CREB5: variants seen among roughly 807,000 people sequenced by gnomAD.
The protein encoded by CREB5 is cAMP responsive element binding protein 5.
In CREB5, 19 loss-of-function variants were observed where a neutral mutation model predicts 57.1. The observed-to-expected ratio is 0.33, with a 90% CI of 0.23 to 0.49. The LOEUF is 0.49. Among genes scored for constraint, CREB5 ranks in the 20% least tolerant of loss-of-function variants. The pLI, the probability that CREB5 is intolerant of heterozygous loss-of-function variation, is 0.99. For missense variants in CREB5, 579 were observed against 671.6 expected, an observed-to-expected ratio of 0.86 and a Z score of 1.52; for synonymous variants, 238 against 238.3, an observed-to-expected ratio of 1.00 and a Z score of 0.01.
intron 5 of CREB5, among the ~76,000 whole-genome samples, chr7:28,627,076 C>T (rs1255637246): frequency 6.6e-6 from 1 of 152,242 alleles, no homozygotes; most frequent in East Asian, 1.9e-4. Flanking sequence ...CCACCCCATC[C>T]ATTCTGCTAC....
intron 5 of CREB5, among the ~76,000 whole-genome samples, chr7:28,715,753 A>G (rs1460008045): frequency 1.3e-5 from 2 of 152,192 alleles, no homozygotes; most frequent in Non-Finnish European, 2.9e-5. Flanking sequence ...GATTTATAGA[A>G]TCTGTGTAGA....
intron 5 of CREB5, among the ~76,000 whole-genome samples, chr7:28,698,991 C>T (rs914303869): frequency 6.6e-6 from 1 of 152,078 alleles, no homozygotes; most frequent in African/African-American, 2.4e-5. Context: ...TGCAAAAGCA[C>T]AGAAGTGGGT....
chr7:28,697,496 A>G (rs1801637422), intron 5 of CREB5, among the ~76,000 whole-genome samples: 1 of 152,100 alleles, frequency 6.6e-6, no homozygotes, highest in Non-Finnish European at 1.5e-5. Context: ...CTCCTCCCGT[A>G]AGTCACCCCC....
At chr7:28,679,374 C>T (rs1021728568) in intron 5 of CREB5, among the ~76,000 whole-genome samples, 1 of 152,036 alleles carries the variant, frequency 6.6e-6, no homozygotes, top group Non-Finnish European at 1.5e-5. Context: ...ATGGGGAGAC[C>T]CACCAGGGCA....
At chr7:28,506,672 G>C (rs537177712) in intron 3 of CREB5, among the ~76,000 whole-genome samples, 1 of 152,222 alleles carries the variant, frequency 6.6e-6, no homozygotes, top group African/African-American at 2.4e-5. Flanking sequence ...CTGTTTCTGA[G>C]AAAAGACCAT....
chr7:28,376,294 C>T (rs1405625348), intron 1 of CREB5, among the ~76,000 whole-genome samples: 3 of 127,966 alleles, frequency 2.3e-5, no homozygotes, highest in Non-Finnish European at 4.9e-5. Context: ...TTTTTTGAGA[C>T]GGAGTCTTGC....
intron 4 of CREB5, among the ~76,000 whole-genome samples, chr7:28,537,658 C>A (rs1403071236): frequency 1.3e-5 from 2 of 152,062 alleles, no homozygotes; most frequent in Non-Finnish European, 2.9e-5. Context: ...TGTGAATTTC[C>A]AACAGGGTAT....
At chr7:28,793,049 G>T (rs1303575405) in intron 7 of CREB5, among the ~76,000 whole-genome samples, 1 of 152,140 alleles carries the variant, frequency 6.6e-6, no homozygotes, top group African/African-American at 2.4e-5. Flanking sequence ...AGTAAGGCAG[G>T]TGCTTAAGAA....
At chr7:28,414,490 G>A (rs981760387) in intron 1 of CREB5, among the ~76,000 whole-genome samples, 2 of 152,000 alleles carry the variant, frequency 1.3e-5, no homozygotes, top group African/African-American at 2.4e-5. Context: ...TAAACTGGGG[G>A]GCAATTGCCT....
intron 7 of CREB5, among the ~76,000 whole-genome samples, chr7:28,766,200 C>T (rs1032378027): frequency 6.6e-6 from 1 of 152,024 alleles, no homozygotes; most frequent in Non-Finnish European, 1.5e-5. Flanking sequence ...CTTTGTTATG[C>T]ACCATCTCTT....
Position 28,678,901 on chromosome 7 carries a change from A to C in CREB5, c.465-39852A>C, listed in dbSNP as rs529774125. 6.6e-5 allele frequency among the ~76,000 whole-genome samples: 10 copies of C among 152,342 alleles called. No homozygotes were observed. The East Asian group carries it at 1.9e-3, about 29-fold the overall frequency. On this transcript the variant is annotated intron_variant, in intron 5 of 10. Coordinates refer to ENST00000357727, the MANE Select transcript of CREB5 (RefSeq NM_182898.4). ...GGTGAACTTCTCTGCTCAGTGTAAGAGAAGGTCAGTTATTAGATAGACACA... is the reference window on the plus strand; with the variant it reads ...GGTGAACTTCTCTGCTCAGTGTAAGCGAAGGTCAGTTATTAGATAGACACA...
At chr7:28,814,182 T>C (rs1809288107) in intron 9 of CREB5, among the ~76,000 whole-genome samples, 1 of 152,238 alleles carries the variant, frequency 6.6e-6, no homozygotes, top group Non-Finnish European at 1.5e-5. Context: ...GTGATTCCAC[T>C]TACGTTCCCT....
At chr7:28,594,380 C>T (rs1358755301) in intron 5 of CREB5, among the ~76,000 whole-genome samples, 2 of 152,098 alleles carry the variant, frequency 1.3e-5, no homozygotes, top group East Asian at 1.9e-4. Flanking sequence ...ATCTAGTTAC[C>T]GCCCTCCACA....
chr7:28,385,314 G>A (rs935655485), intron 1 of CREB5, among the ~76,000 whole-genome samples: 2 of 150,944 alleles, frequency 1.3e-5, no homozygotes, highest in Non-Finnish European at 3.0e-5. Context: ...AGTTAACCAA[G>A]TATCTACACA....
intron 1 of CREB5, among the ~76,000 whole-genome samples, chr7:28,433,543 C>T (rs1035666053): frequency 1.3e-5 from 2 of 152,068 alleles, no homozygotes; most frequent in African/African-American, 4.8e-5. Context: ...GTCTATGTTG[C>T]TCAGTCTAGA....
chr7:28,447,092 C>G (rs1789519243), intron 1 of CREB5, among the ~76,000 whole-genome samples: 2 of 152,164 alleles, frequency 1.3e-5, no homozygotes, highest in Non-Finnish European at 2.9e-5. Flanking sequence ...ACACCACCTC[C>G]CCTCTAGAAT....
chr7:28,724,351 C>T lies in CREB5; in HGVS notation c.702+19C>T, dbSNP rs1385862945. 6.3e-7 allele frequency: 1 copy of T among 1,581,722 alleles called. No individual in the cohort carries two copies. Among genetic ancestry groups the T allele is most frequent in the East Asian group, 2.2e-5 (1 of 44,710 alleles). On this transcript the variant is annotated intron_variant, in intron 7 of 10. Coordinates refer to ENST00000357727, the MANE Select transcript of CREB5 (RefSeq NM_182898.4). ...CAAAATGGTAAGTAACAGTTATAAT[C>T]ACCCTTTCATTATTCTGTGACTTTT...
intron 1 of CREB5, among the ~76,000 whole-genome samples, chr7:28,444,864 T>C (rs1166631869): frequency 2.0e-5 from 3 of 152,306 alleles, no homozygotes; most frequent in Admixed American, 6.5e-5. Context: ...ATGACTCTTG[T>C]GGGGTCATAA....
chr7:28,493,184 T>C (rs1187489183), intron 2 of CREB5, among the ~76,000 whole-genome samples: 1 of 152,228 alleles, frequency 6.6e-6, no homozygotes, highest in Admixed American at 6.5e-5. Flanking sequence ...CAAAGGTAAT[T>C]AAAACTTATA....
Sources: gnomAD v4.1 joint callset for allele counts (sites outside exome capture counted in the v4.1 genomes callset) on GRCh38, gnomAD v4.1.1 for gene constraint, MANE v1.5 for transcripts, NCBI Gene and HGNC (gene_info 2026-07-23, HGNC 2026-07-21) for gene names.